DOCK2: variants seen among roughly 807,000 people sequenced by gnomAD.
DOCK2 encodes dedicator of cytokinesis protein 2.
Under a neutral mutation model 248.9 loss-of-function variants are expected in DOCK2, and 87 were observed. The ratio of observed to expected loss-of-function variants is 0.35; its 90% confidence interval spans 0.29 to 0.42. The LOEUF (loss-of-function observed/expected upper bound fraction) is 0.42, where lower values mean the gene tolerates loss of function less well. Ranked by LOEUF, DOCK2 falls within the 10% of genes least tolerant of loss-of-function variation. The pLI is 1.00. For synonymous variants in DOCK2, 805 were observed against 821.6 expected, an observed-to-expected ratio of 0.98 and a Z score of 0.35; for missense variants, 1,747 against 2,300.2, an observed-to-expected ratio of 0.76 and a Z score of 4.92.
intron 36 of DOCK2, among the ~76,000 whole-genome samples, chr5:170,039,706 G>A (rs1242355893): frequency 6.6e-6 from 1 of 152,134 alleles, no homozygotes; most frequent in Non-Finnish European, 1.5e-5. Flanking sequence ...GGTGAGCTTC[G>A]TGCAGAAAGC....
chr5:169,895,048 C>T (rs1045853817), intron 27 of DOCK2, among the ~76,000 whole-genome samples: 1 of 152,106 alleles, frequency 6.6e-6, no homozygotes, highest in African/African-American at 2.4e-5. Flanking sequence ...TTGCTGGAAT[C>T]GATGTTGCAT....
chr5:170,023,983 C>A (rs1488713545), intron 33 of DOCK2, among the ~76,000 whole-genome samples: 2 of 152,188 alleles, frequency 1.3e-5, no homozygotes, highest in African/African-American at 4.8e-5. Context: ...GCAAGAGAAG[C>A]AATGCAGGGA....
chr5:169,834,478 T>C (rs879861065), intron 26 of DOCK2, among the ~76,000 whole-genome samples: 6 of 2,402 alleles, frequency 2.5e-3, no homozygotes, highest in African/African-American at 0.012. Flanking sequence ...GATCACCCTG[T>C]AGTAAGCTCA....
At chr5:169,706,386 T>C (rs1761269577) in intron 14 of DOCK2, among the ~76,000 whole-genome samples, 1 of 152,212 alleles carries the variant, frequency 6.6e-6, no homozygotes, top group South Asian at 2.1e-4. Context: ...TGGATGAGTA[T>C]TTAGAGGGTC....
At chr5:169,845,196 C>G (rs246771) in intron 27 of DOCK2, among the ~76,000 whole-genome samples, 68,528 of 147,856 alleles carry the variant, frequency 0.46, 16,208 homozygotes, top group East Asian at 0.7. Flanking sequence ...CTCTCTGTCA[C>G]CTGCCTGCCA....
intron 14 of DOCK2, among the ~76,000 whole-genome samples, chr5:169,703,414 C>A (rs1179059263): frequency 6.6e-6 from 1 of 152,186 alleles, no homozygotes; most frequent in Admixed American, 6.5e-5. Context: ...GGAAACAAAA[C>A]CCGTGTCACT....
intron 15 of DOCK2, 21 bp from the exon 16 acceptor site, chr5:169,711,914 G>A: frequency 6.2e-7 from 1 of 1,613,410 alleles, no homozygotes; most frequent in Non-Finnish European, 8.5e-7. Context: ...TGTGTTCTGA[G>A]CTCTGTTTCT....
chr5:169,925,153 T>C (rs1775367344), intron 27 of DOCK2, among the ~76,000 whole-genome samples: 1 of 152,152 alleles, frequency 6.6e-6, no homozygotes. Context: ...GTGTAATACA[T>C]GGTAAAGAGG....
At chr5:170,054,749 C>G (rs1013063707) in intron 41 of DOCK2, among the ~76,000 whole-genome samples, 7 of 152,174 alleles carry the variant, frequency 4.6e-5, no homozygotes, top group Non-Finnish European at 8.8e-5. Context: ...AACAAACTTA[C>G]GGGTAATGCT....
At chr5:169,863,987 G>T (rs1055523399) in intron 27 of DOCK2, among the ~76,000 whole-genome samples, 2 of 152,164 alleles carry the variant, frequency 1.3e-5, no homozygotes, top group African/African-American at 4.8e-5. Flanking sequence ...TGGGAATCTG[G>T]TCTTAAAACT....
At chr5:169,807,093 G>A (rs1767421749) in intron 26 of DOCK2, among the ~76,000 whole-genome samples, 1 of 152,132 alleles carries the variant, frequency 6.6e-6, no homozygotes, top group African/African-American at 2.4e-5. Flanking sequence ...CAAAGCGACT[G>A]AGAAGAAAAA....
chr5:169,767,005 C>T (rs1317952862), intron 25 of DOCK2, among the ~76,000 whole-genome samples: 2 of 152,196 alleles, frequency 1.3e-5, no homozygotes, highest in South Asian at 2.1e-4. Context: ...ATCTGCCTGC[C>T]TCAGCCTCCC....
intron 23 of DOCK2, among the ~76,000 whole-genome samples, chr5:169,752,759 G>C (rs1274562346): frequency 2.0e-5 from 3 of 151,898 alleles, no homozygotes; most frequent in Non-Finnish European, 2.9e-5. Context: ...GCAAGACCCT[G>C]TCTCTTAAAA....
At chr5:170,006,831 C>T (rs568483744) in intron 30 of DOCK2, among the ~76,000 whole-genome samples, 93 of 152,266 alleles carry the variant, frequency 6.1e-4, no homozygotes, top group African/African-American at 1.9e-3. Context: ...GAATACTGAC[C>T]GTGGTGTGTT....
chr5:169,757,994 A>T (rs1039183544), intron 23 of DOCK2, among the ~76,000 whole-genome samples: 6 of 152,242 alleles, frequency 3.9e-5, no homozygotes, highest in Non-Finnish European at 7.3e-5. Context: ...ATATGTCTAT[A>T]TGTTTTCATG....
chr5:169,690,331 A>G (rs1760220956), intron 9 of DOCK2, among the ~76,000 whole-genome samples: 3 of 152,172 alleles, frequency 2.0e-5, no homozygotes, highest in Admixed American at 1.3e-4. Flanking sequence ...AGAAGGAGCC[A>G]GGGAGGGATT....
chr5:169,800,267 A>G (rs1234995912), intron 25 of DOCK2, among the ~76,000 whole-genome samples: 3 of 152,194 alleles, frequency 2.0e-5, no homozygotes, highest in Non-Finnish European at 4.4e-5. Flanking sequence ...CACTTCTTTT[A>G]AGTGTTATCT....
At chr5:169,669,194 T>G (rs1221081151) in intron 2 of DOCK2, 94 bp from the exon 3 acceptor site, 1 of 1,411,152 alleles carries the variant, frequency 7.1e-7, no homozygotes. Context: ...TGCAGTAGTT[T>G]TACTAGTTTA....
Position 169,714,356 on chromosome 5 carries a change from T to A in DOCK2, c.1844-4T>A. 6.2e-7 allele frequency: 1 copy of A among 1,614,092 alleles called. No homozygotes were observed. Among genetic ancestry groups the A allele is most frequent in the Non-Finnish European group, 8.5e-7 (1 of 1,179,972 alleles). On this transcript the variant is annotated splice_region_variant and splice_polypyrimidine_tract_variant and intron_variant, in intron 18 of 51. Coordinates refer to ENST00000520908, the MANE Select transcript of DOCK2 (RefSeq NM_004946.3). ...TACTTCTGAATGTCTGGACTCTATT[T>A]TAGTGGGCTTGCTGGGTTTGCTGAA...
Sources: gnomAD v4.1 joint callset for allele counts (sites outside exome capture counted in the v4.1 genomes callset) on GRCh38, gnomAD v4.1.1 for gene constraint, MANE v1.5 for transcripts, NCBI Gene and HGNC (gene_info 2026-07-23, HGNC 2026-07-21) for gene names.